The following AMDHD2 variants were observed in gnomAD, a reference collection of about 807,000 sequenced individuals.
The protein encoded by AMDHD2 is amidohydrolase domain containing 2, also known as N-acetylglucosamine-6-phosphate deacetylase.
A neutral mutation model predicts 41.8 loss-of-function variants in AMDHD2; 24 were observed. The observed-to-expected ratio is 0.57, with a 90% CI of 0.42 to 0.81. AMDHD2 has a LOEUF of 0.81. Among genes scored for constraint, AMDHD2 ranks in the 30% least tolerant of loss-of-function variants. The pLI, the probability that AMDHD2 is intolerant of heterozygous loss-of-function variation, is 0.00. For synonymous variants in AMDHD2, 332 were observed against 255.5 expected, an observed-to-expected ratio of 1.30 and a Z score of -2.85; for missense variants, 540 against 588.5, an observed-to-expected ratio of 0.92 and a Z score of 0.85.
rs149961868 is a variant in AMDHD2 at position 2,530,889 on chromosome 16, G to T, written c.*1326G>T. ...GTGAGGTGCAGGGATACCCACCTCT[G>T]CCTTGACGGCCGCGCACCCCTTAGG... On this transcript the variant is annotated 3_prime_UTR_variant, in exon 11 of 11. Coordinates refer to ENST00000293971, the MANE Select transcript of AMDHD2 (RefSeq NM_001330449.2). 3 of 1,613,534 alleles carry T rather than the reference G, an allele frequency of 1.9e-6. No homozygotes were observed. Among genetic ancestry groups the T allele is most frequent in the African/African-American group, 2.7e-5 (2 of 75,036 alleles).
chr16:2,523,339 C>G (rs1239837879), intron 3 of AMDHD2, among the ~76,000 whole-genome samples: 1 of 152,084 alleles, frequency 6.6e-6, no homozygotes, highest in African/African-American at 2.4e-5. Flanking sequence ...CCAAGGGGTC[C>G]CTCTCTTGGT....
chr16:2,523,378 TGGGG>T (rs1555439942), intron 3 of AMDHD2, among the ~76,000 whole-genome samples: 2 of 151,918 alleles, frequency 1.3e-5, no homozygotes, highest in Non-Finnish European at 2.9e-5. Flanking sequence ...CTGGGAACAA[TGGGG>T]GTGGTGTGTG....
Position 2,522,844 on chromosome 16 carries a change from CT to C in AMDHD2, c.360+1738del, listed in dbSNP as rs77502200. Among the ~76,000 whole-genome samples, 473 of 135,044 alleles carry C rather than the reference CT, an allele frequency of 3.5e-3. 2 individuals are homozygous for C. Among genetic ancestry groups the C allele is most frequent in the South Asian group, 0.023 (97 of 4,226 alleles). The allele number at this position is 135,044 out of a possible 152,430, so 88.6% of individuals were successfully genotyped here. A position where few individuals can be genotyped will look rare whatever the true frequency, so the allele number is the denominator to read the frequency against. On this transcript the variant is annotated intron_variant, in intron 3 of 10. Coordinates refer to ENST00000293971, the MANE Select transcript of AMDHD2 (RefSeq NM_001330449.2). ...TGCCTGTTTATTCCTTAGTACTTAA[CT>C]TTTTTTTTTTTTTTTTGAGACATAG...
At chr16:2,528,582 T>C (rs1240364470) in intron 8 of AMDHD2, 23 bp downstream of exon 8, 2 of 1,612,402 alleles carry the variant, frequency 1.2e-6, no homozygotes, top group African/African-American at 2.7e-5. Context: ...ACCCACTGGG[T>C]CCCAGGTCCC....
At chr16:2,529,432 G>A (rs748572573) in intron 10 of AMDHD2, 43 bp from the exon 11 acceptor site, 20 of 1,602,780 alleles carry the variant, frequency 1.2e-5, no homozygotes, top group East Asian at 1.1e-4. Flanking sequence ...GTAGGTGGGC[G>A]GCCCCACTCC....
chr16:2,521,637 T>C (rs1413901725), intron 3 of AMDHD2, among the ~76,000 whole-genome samples: 1 of 152,162 alleles, frequency 6.6e-6, no homozygotes, highest in Non-Finnish European at 1.5e-5. Flanking sequence ...TTTTTTTATT[T>C]TAATTTTTAC....
Position 2,520,922 on chromosome 16 carries a change from G to A in AMDHD2, c.220+17G>A, listed in dbSNP as rs773685561. ...AGATCAACGGTGCGGCCCGGGGCCGGCAGGGGAACCCAGGGGAGGAGCTCT... is the reference window on the plus strand; with the variant it reads ...AGATCAACGGTGCGGCCCGGGGCCGACAGGGGAACCCAGGGGAGGAGCTCT... On this transcript the variant is annotated intron_variant, in intron 2 of 10. Coordinates refer to ENST00000293971, the MANE Select transcript of AMDHD2 (RefSeq NM_001330449.2). 17 of 1,597,158 alleles carry A rather than the reference G, an allele frequency of 1.1e-5. No homozygotes were observed. The highest frequency in any genetic ancestry group is 3.3e-4 in the Middle Eastern group (2 of 6,002).
At position 2,520,482 on chromosome 16, in the gene AMDHD2, G is replaced by C. The variant is rs1049754085; in HGVS notation, c.24G>C (p.Ala8=). 3 of 1,233,490 alleles carry C rather than the reference G, an allele frequency of 2.4e-6. No homozygotes were observed. In the East Asian group the frequency reaches 9.6e-5, roughly 40 times the overall value. 76.4% of individuals were successfully genotyped at this position (1,233,490 alleles called of 1,614,324 possible). Residue 8 remains alanine (A), a synonymous_variant, in exon 1 of 11, where the codon GCG becomes GCC. Transcript: ENST00000293971. ...CGATGCGCGGCGAGCAGGGCGCGGC[G>C]GGGGCCCGCGTGCTCCAGTTCACTA... MRGEQGA[A]GARVLQFTNC...
intron 3 of AMDHD2, among the ~76,000 whole-genome samples, chr16:2,525,258 A>G (rs1596994146): frequency 1.3e-5 from 2 of 151,482 alleles, no homozygotes; most frequent in East Asian, 3.9e-4. Context: ...GGCTTGCTCC[A>G]TGTTGGCAAG....
chr16:2,526,941 A>C (rs1479544403), intron 3 of AMDHD2: 1 of 152,494 alleles, frequency 6.6e-6, no homozygotes, highest in Non-Finnish European at 1.5e-5. Flanking sequence ...AAAAAAACAA[A>C]AAAAGTGTTA....
chr16:2,528,319 T>A lies in AMDHD2; in HGVS notation c.801T>A (p.Ile267=). The A allele has an allele frequency of 6.2e-7, 1 of 1,612,752 alleles. No individual in the cohort carries two copies. The highest frequency in any genetic ancestry group is 8.5e-7 in the Non-Finnish European group (1 of 1,179,920). Reference sequence around the variant, plus strand: ...GCCGCTGCATCTTCTATGGGATGATTGCAGATGGCACGCACACCAACCCCG... The same window carrying A: ...GCCGCTGCATCTTCTATGGGATGATAGCAGATGGCACGCACACCAACCCCG... ...PAGRCIFYGM[I]ADGTHTNPAA... is the part of the protein sequence containing the mutation. Residue 267 remains isoleucine, a synonymous_variant, in exon 7 of 11, where the codon ATT becomes ATA. Coordinates refer to ENST00000293971, the MANE Select transcript of AMDHD2 (RefSeq NM_001330449.2).
chr16:2,524,542 A>G (rs1171341554), intron 3 of AMDHD2, among the ~76,000 whole-genome samples: 4 of 152,128 alleles, frequency 2.6e-5, no homozygotes, highest in Non-Finnish European at 4.4e-5. Context: ...GCTCCCTTCT[A>G]AAACTCCATT....
intron 3 of AMDHD2, among the ~76,000 whole-genome samples, chr16:2,523,825 A>C: frequency 6.7e-6 from 1 of 149,592 alleles, no homozygotes. Flanking sequence ...CACATTCCCC[A>C]CTCCTGCCCC....
chr16:2,529,358 A>C, intron 10 of AMDHD2, 117 bp from the exon 11 acceptor site: 2 of 1,490,752 alleles, frequency 1.3e-6, no homozygotes, highest in Admixed American at 1.7e-5. Context: ...GGTGTCTTGC[A>C]CTAGTCGTGT....
rs1314221910 is a variant in AMDHD2, at chr16:2,530,920, G to T, written c.*1357G>T. On this transcript the variant is annotated 3_prime_UTR_variant, in exon 11 of 11. Transcript: ENST00000293971. ...ACGGCCGCGCACCCCTTAGGAAGTG[G>T]CTGTCCAGCGCCTGCCTGTGCTGGG... The T allele has an allele frequency of 1.2e-6, 2 of 1,613,246 alleles. No individual in the cohort carries two copies. The highest frequency in any genetic ancestry group is 2.7e-5 in the African/African-American group (2 of 74,918).
rs775564751 is a variant in AMDHD2 at position 2,520,841 on chromosome 16, C to T, written c.156C>T (p.Ala52=). 1.9e-6 allele frequency: 3 copies of T among 1,611,846 alleles called. No homozygotes were observed. The highest frequency in any genetic ancestry group is 1.7e-5 in the Admixed American group (1 of 59,946). Residue 52 remains alanine, a synonymous_variant, in exon 2 of 11, where the codon GCC becomes GCT. Transcript: ENST00000293971. The part of the protein sequence containing the change: ...EKLFFEERRV[A]DERRDCGGRI... ...TGTTCTTTGAGGAGCGGCGCGTGGC[C>T]GACGAGCGGCGGGACTGCGGGGGCC...
Position 2,527,343 on chromosome 16 carries a change from G to A in AMDHD2, c.361-218G>A, listed in dbSNP as rs1327858781. Among the ~76,000 whole-genome samples, 3 of 152,258 alleles carry A rather than the reference G, an allele frequency of 2.0e-5. No individual in the cohort carries two copies. The highest frequency in any genetic ancestry group is 4.1e-4 in the South Asian group (2 of 4,822). ...AAGCCTGCCCACATGGCCAGGGACC[G>A]CTGGCATCCCACACACCTATCATTT... On this transcript the variant is annotated intron_variant, in intron 3 of 10. Transcript: ENST00000293971. The surrounding 1 kb of genome is among the most constrained non-coding windows in gnomAD (Gnocchi z 6.1).
Position 2,530,213 on chromosome 16 carries a change from C to G in AMDHD2, c.*650C>G. 5 of 1,536,818 alleles carry G rather than the reference C, an allele frequency of 3.3e-6. No individual in the cohort carries two copies. In the South Asian group the frequency reaches 4.8e-5, roughly 15 times the overall value. ...CTGAGTGCCACGGATGACCAGCGTT[C>G]TGTTTTCTCTTCTCAATAACCCTAT... is the stretch of plus-strand genomic sequence containing the variant. On this transcript the variant is annotated 3_prime_UTR_variant, in exon 11 of 11. Transcript: ENST00000293971.
chr16:2,528,471 T>C lies in AMDHD2; in HGVS notation c.882T>C (p.Asp294=), dbSNP rs1289088088. The change falls in exon 8 of 11, where the codon GAT becomes GAC. Residue 294 remains aspartate (D), a synonymous_variant. Transcript: ENST00000293971. ...CCCCAGGGCTGGTGCTGGTCACCGA[T>C]GCCATCCCTGCCTTGGGCCTGGGCA... ...AHPQGLVLVT[D]AIPALGLGNG... The C allele has an allele frequency of 4.3e-6, 7 of 1,612,694 alleles. No individual in the cohort carries two copies. Among genetic ancestry groups the C allele is most frequent in the Non-Finnish European group, 5.1e-6 (6 of 1,179,918 alleles).
Sources: allele counts gnomAD v4.1 joint callset (sites outside exome capture counted in the v4.1 genomes callset), GRCh38; gene constraint gnomAD v4.1.1; non-coding constraint Gnocchi (gnomAD v3.1); transcripts MANE v1.5; gene names NCBI Gene and HGNC (gene_info 2026-07-23, HGNC 2026-07-21).